SSH1: variants seen among roughly 807,000 people sequenced by gnomAD.
The protein encoded by SSH1 is protein phosphatase Slingshot homolog 1.
SSH1 carries 43 observed loss-of-function variants against 79.7 expected under a neutral mutation model. That is an observed-to-expected ratio of 0.54 (90% CI 0.42 to 0.70). The LOEUF (loss-of-function observed/expected upper bound fraction) is 0.70. SSH1 is among the 30% of genes least tolerant of loss of function. The pLI is 0.00. For missense variants in SSH1, 1,206 were observed against 1,358.8 expected, an observed-to-expected ratio of 0.89 and a Z score of 1.77; for synonymous variants, 599 against 538.3, an observed-to-expected ratio of 1.11 and a Z score of -1.56.
At chr12:108,796,197 T>G (rs1248698633) in intron 13 of SSH1, among the ~76,000 whole-genome samples, 1 of 152,208 alleles carries the variant, frequency 6.6e-6, no homozygotes, top group East Asian at 1.9e-4. Context: ...ATTACGGGCA[T>G]GAGCCACCAC....
At chr12:108,848,875 G>A (rs957873636) in intron 2 of SSH1, among the ~76,000 whole-genome samples, 5 of 152,158 alleles carry the variant, frequency 3.3e-5, no homozygotes, top group African/African-American at 1.2e-4. Context: ...AAGGACTCTC[G>A]GTGGTGGTCA....
chr12:108,844,824 T>G (rs910695825), intron 2 of SSH1, among the ~76,000 whole-genome samples: 1 of 152,060 alleles, frequency 6.6e-6, no homozygotes, highest in African/African-American at 2.4e-5. Flanking sequence ...GAAAATGAAT[T>G]CAGGCCAGGC....
chr12:108,794,553 A>G (rs1038548630), intron 13 of SSH1, among the ~76,000 whole-genome samples: 4 of 152,162 alleles, frequency 2.6e-5, no homozygotes, highest in African/African-American at 9.7e-5. Context: ...TACATTTATT[A>G]TTTACTACAA....
Position 108,792,634 on chromosome 12 carries a change from T to C in SSH1, c.1545A>G (p.Ser515=). The C allele has an allele frequency of 1.2e-6, 2 of 1,611,736 alleles. No homozygotes were observed. Among genetic ancestry groups the C allele is most frequent in the Non-Finnish European group, 1.7e-6 (2 of 1,179,558 alleles). Residue 515 remains serine (S), a synonymous_variant, in exon 14 of 15, where the codon TCA becomes TCG. Coordinates refer to ENST00000326495, the MANE Select transcript of SSH1 (RefSeq NM_018984.4). The stretch of plus-strand genomic sequence containing the variant: ...CCTCAGGGGAAGGCAGAAGGGGGTC[T>C]GAGAGTCGCCGGAAACAGCAGGGGA... The part of the protein sequence containing the change: ...PPLPCCFRRL[S]DPLLPSPEDE...
intron 5 of SSH1, among the ~76,000 whole-genome samples, chr12:108,813,516 C>T (rs2137125862): frequency 6.6e-6 from 1 of 151,434 alleles, no homozygotes; most frequent in South Asian, 2.1e-4. Context: ...GAGTTTGAGA[C>T]CAGCCTGGGC....
chr12:108,787,891 G>A lies in SSH1; in HGVS notation c.*97C>T. ...GTTAGGATGACTTCACTCGTTTAAGGGAAATCAAGATGTAAGGGGTCGATC... is the reference window on the plus strand; with the variant it reads ...GTTAGGATGACTTCACTCGTTTAAGAGAAATCAAGATGTAAGGGGTCGATC... On this transcript the variant is annotated 3_prime_UTR_variant, in exon 15 of 15. Transcript: ENST00000326495. The A allele has an allele frequency of 6.7e-7, 1 of 1,495,388 alleles. No individual in the cohort carries two copies. The highest frequency in any genetic ancestry group is 9.2e-7 in the Non-Finnish European group (1 of 1,082,408). The allele number at this position is 1,495,388 out of a possible 1,614,324, so 92.6% of individuals were successfully genotyped here. A position where few individuals can be genotyped will look rare whatever the true frequency, so the allele number is the denominator to read the frequency against.
intron 5 of SSH1, among the ~76,000 whole-genome samples, chr12:108,812,728 T>TAC (rs2037677393): frequency 6.6e-6 from 1 of 152,222 alleles, no homozygotes; most frequent in Non-Finnish European, 1.5e-5. Flanking sequence ...ACAGGGACCA[T>TAC]ACAGGACTGC....
In SSH1 at chr12:108,799,223, G is replaced by A. The variant is rs367903455; in HGVS notation, c.1149-23C>T. 3 of 1,597,490 alleles carry A rather than the reference G, an allele frequency of 1.9e-6. No individual in the cohort carries two copies. The African/African-American group carries it at 4.0e-5, about 21-fold the overall frequency. ...CTCCTGCAGGGGTGGGAGCAGTTGG[G>A]GAGGAGAGATGGGGGAGAAGCAGTG... On this transcript the variant is annotated intron_variant, in intron 12 of 14. Coordinates refer to ENST00000326495, the MANE Select transcript of SSH1 (RefSeq NM_018984.4).
At position 108,789,120 on chromosome 12, in the gene SSH1, G is replaced by A. The variant is rs766955571; in HGVS notation, c.2018C>T (p.Ala673Val). 6.2e-7 allele frequency: 1 copy of A among 1,614,008 alleles called. No individual in the cohort carries two copies. The highest frequency in any genetic ancestry group is 1.7e-5 in the Admixed American group (1 of 60,008). Residue 673 changes from alanine to valine, a missense_variant, in exon 15 of 15, where the codon GCT becomes GTT. Ala to Val is a moderately conservative substitution (Grantham distance 64). This residue lies in a region of SSH1 where 709 missense variants were observed against 730.6 expected (regional missense o/e 0.97). Transcript: ENST00000326495. Reference protein sequence around the residue: ...ASRERCEDPNAPAICTQPAFL... With the variant: ...ASRERCEDPNVPAICTQPAFL... The stretch of plus-strand genomic sequence containing the variant: ...GGCTGGCTGGGTGCAGATGGCGGGA[G>A]CATTGGGGTCCTCACATCGCTCCCT...
Position 108,789,181 on chromosome 12 carries a change from T to C in SSH1, c.1957A>G (p.Met653Val), listed in dbSNP as rs1055486352. 13 of 1,610,544 alleles carry C rather than the reference T, an allele frequency of 8.1e-6. No individual in the cohort carries two copies. Among genetic ancestry groups the C allele is most frequent in the African/African-American group, 1.3e-5 (1 of 74,870 alleles). ...GGAGCCCCGCTGGCTGTAGGGTACATGCAGTCGGCACAGGATTTATAGGAA... is the reference window on the plus strand; with the variant it reads ...GGAGCCCCGCTGGCTGTAGGGTACACGCAGTCGGCACAGGATTTATAGGAA... ...KPSYKSCADC[M>V]YPTASGAPEA... The change falls in exon 15 of 15, where the codon ATG (methionine) becomes GTG (valine). Residue 653 changes from methionine (M) to valine (V), a missense_variant. Met to Val is a conservative substitution (Grantham distance 21). Around this residue, in one of 5 missense-constraint regions of SSH1, gnomAD observed 709 missense variants for 730.6 expected, o/e 0.97. Coordinates refer to ENST00000326495, the MANE Select transcript of SSH1 (RefSeq NM_018984.4).
chr12:108,816,513 G>A (rs1246654076), intron 5 of SSH1, among the ~76,000 whole-genome samples: 1 of 152,196 alleles, frequency 6.6e-6, no homozygotes, highest in Non-Finnish European at 1.5e-5. Flanking sequence ...TTGGCCTCCA[G>A]TTAGTGGGAA....
rs2036969928 is a variant in SSH1, at chr12:108,800,878, A to G, written c.1050T>C (p.Pro350=). The G allele has an allele frequency of 6.2e-7, 1 of 1,614,136 alleles. No homozygotes were observed. The highest frequency in any genetic ancestry group is 8.5e-7 in the Non-Finnish European group (1 of 1,179,966). The change falls in exon 12 of 15, where the codon CCT becomes CCC. Residue 350 remains proline, a synonymous_variant. Coordinates refer to ENST00000326495, the MANE Select transcript of SSH1 (RefSeq NM_018984.4). ...GGATGTTATGATATGCAAATAAGCC[A>G]GGAAAAAAATTATCGATTTCTCTGG... is the stretch of plus-strand genomic sequence containing the variant. ...NVTREIDNFF[P]GLFAYHNIRV... is the part of the protein sequence containing the mutation.
At chr12:108,848,109 A>G (rs1290894090) in intron 2 of SSH1, among the ~76,000 whole-genome samples, 1 of 152,184 alleles carries the variant, frequency 6.6e-6, no homozygotes, top group Non-Finnish European at 1.5e-5. Flanking sequence ...GCTGGAGCTC[A>G]GAAAAGACTC....
chr12:108,802,310 G>C lies in SSH1; in HGVS notation c.1001+12C>G. On this transcript the variant is annotated intron_variant, in intron 11 of 14. Coordinates refer to ENST00000326495, the MANE Select transcript of SSH1 (RefSeq NM_018984.4). ...CTGGAAGGACAGGGAAAGACAAGGG[G>C]AGGAGACTCACCCTGAGCCCTGCAG... is the stretch of plus-strand genomic sequence containing the variant. 6.2e-7 allele frequency: 1 copy of C among 1,613,270 alleles called. No homozygotes were observed. Among genetic ancestry groups the C allele is most frequent in the Non-Finnish European group, 8.5e-7 (1 of 1,179,296 alleles).
At chr12:108,798,719 C>T (rs960412613) in intron 13 of SSH1, among the ~76,000 whole-genome samples, 7 of 152,242 alleles carry the variant, frequency 4.6e-5, no homozygotes, top group African/African-American at 1.7e-4. Context: ...CGAGGCCAGG[C>T]CTTGGCTTAG....
Position 108,823,355 on chromosome 12 carries a change from A to G in SSH1, c.117T>C (p.Ser39=). 2 of 1,567,284 alleles carry G rather than the reference A, an allele frequency of 1.3e-6. No individual in the cohort carries two copies. The highest frequency in any genetic ancestry group is 1.7e-6 in the Non-Finnish European group (2 of 1,154,318). The change falls in exon 3 of 15, where the codon AGT becomes AGC. Residue 39 remains serine (S), a synonymous_variant. Coordinates refer to ENST00000326495, the MANE Select transcript of SSH1 (RefSeq NM_018984.4). The part of the protein sequence containing the change: ...EEDRKLNLSL[S]ESFFMVKGAA... ...CGCCTTTCACCATGAAAAAGCTCTC[A>G]CTTAAGCTGGGAAGGATAAGACCAG... is the stretch of plus-strand genomic sequence containing the variant.
At chr12:108,854,874 C>T (rs1175914482) in intron 1 of SSH1, among the ~76,000 whole-genome samples, 1 of 152,232 alleles carries the variant, frequency 6.6e-6, no homozygotes, top group Non-Finnish European at 1.5e-5. Flanking sequence ...TGACCCCATA[C>T]ACACTTGCTG....
chr12:108,841,295 C>T (rs527566186), intron 2 of SSH1, among the ~76,000 whole-genome samples: 3 of 152,368 alleles, frequency 2.0e-5, no homozygotes, highest in East Asian at 1.9e-4. Context: ...TGCACGCTCA[C>T]GCAATGTGCT....
chr12:108,829,372 T>A (rs1249587471), intron 2 of SSH1, among the ~76,000 whole-genome samples: 1 of 152,120 alleles, frequency 6.6e-6, no homozygotes, highest in South Asian at 2.1e-4. Flanking sequence ...GGTCTGGGAA[T>A]TCATATTTCT....
Sources: gnomAD v4.1 joint callset for allele counts (sites outside exome capture counted in the v4.1 genomes callset) on GRCh38, gnomAD v4.1.1 for gene constraint, gnomAD v4.1.1 regional missense constraint, MANE v1.5 for transcripts, NCBI Gene and HGNC (gene_info 2026-07-23, HGNC 2026-07-21) for gene names.